DIAPH3: variants seen among roughly 807,000 people sequenced by gnomAD.
DIAPH3 encodes diaphanous related formin 3.
A neutral mutation model predicts 144.3 loss-of-function variants in DIAPH3; 117 were observed. The observed-to-expected ratio is 0.81, with a 90% CI of 0.70 to 0.95. DIAPH3 has a LOEUF of 0.95. Ranked by LOEUF, DIAPH3 falls within the 40% of genes least tolerant of loss-of-function variation. The pLI is 0.00. For missense variants in DIAPH3, 1,421 were observed against 1,412.7 expected, an observed-to-expected ratio of 1.01 and a Z score of -0.09; for synonymous variants, 519 against 488.9, an observed-to-expected ratio of 1.06 and a Z score of -0.81.
At chr13:59,709,203 A>C (rs1047025342) in intron 27 of DIAPH3, among the ~76,000 whole-genome samples, 2 of 152,178 alleles carry the variant, frequency 1.3e-5, no homozygotes, top group South Asian at 2.1e-4. Flanking sequence ...GTTTAACATG[A>C]TTTACTTTTA....
chr13:59,811,849 ATTAT>A (rs1312408716), intron 24 of DIAPH3, among the ~76,000 whole-genome samples: 1 of 151,814 alleles, frequency 6.6e-6, no homozygotes, highest in Non-Finnish European at 1.5e-5. Context: ...TAGATATGTG[ATTAT>A]TTGTTTAATT....
intron 20 of DIAPH3, among the ~76,000 whole-genome samples, chr13:59,882,171 C>T (rs1361290043): frequency 1.3e-5 from 2 of 152,142 alleles, no homozygotes; most frequent in Non-Finnish European, 2.9e-5. Context: ...TCACTGCAAC[C>T]TCTACCTCCT....
intron 17 of DIAPH3, among the ~76,000 whole-genome samples, chr13:59,954,499 G>A (rs908948688): frequency 1.3e-5 from 2 of 152,172 alleles, no homozygotes; most frequent in South Asian, 2.1e-4. Flanking sequence ...TCTTAATAAC[G>A]GATACCTCAG....
chr13:60,095,765 T>C (rs1397049347), intron 3 of DIAPH3, among the ~76,000 whole-genome samples: 1 of 152,174 alleles, frequency 6.6e-6, no homozygotes, highest in Non-Finnish European at 1.5e-5. Context: ...TATTGCATAG[T>C]TTTACTTTAC....
chr13:59,844,166 A>G (rs1337948313), intron 22 of DIAPH3, among the ~76,000 whole-genome samples: 2 of 151,522 alleles, frequency 1.3e-5, no homozygotes, highest in African/African-American at 4.8e-5. Flanking sequence ...TTCTATTTCT[A>G]TAGACAATTC....
chr13:59,994,718 A>G (rs951073209), intron 9 of DIAPH3, among the ~76,000 whole-genome samples: 3 of 151,954 alleles, frequency 2.0e-5, no homozygotes, highest in African/African-American at 7.2e-5. Context: ...GTTCAAAGAC[A>G]TGGAACCTTT....
intron 27 of DIAPH3, among the ~76,000 whole-genome samples, chr13:59,764,202 G>A (rs187203286): frequency 1.3e-5 from 2 of 151,884 alleles, no homozygotes; most frequent in East Asian, 2.0e-4. Context: ...ATTCTTGAGC[G>A]CAATTGTTCC....
intron 17 of DIAPH3, among the ~76,000 whole-genome samples, chr13:59,951,408 T>C (rs2049089589): frequency 6.6e-6 from 1 of 152,144 alleles, no homozygotes; most frequent in African/African-American, 2.4e-5. Context: ...CACTTTCCTT[T>C]GTAAATTACC....
chr13:60,097,480 G>C (rs2058139346), intron 3 of DIAPH3, among the ~76,000 whole-genome samples: 1 of 152,140 alleles, frequency 6.6e-6, no homozygotes, highest in Admixed American at 6.5e-5. Context: ...TTCATCATGA[G>C]TGGAAGCTCC....
At chr13:60,039,198 T>C (rs993199472) in intron 5 of DIAPH3, among the ~76,000 whole-genome samples, 4 of 152,244 alleles carry the variant, frequency 2.6e-5, no homozygotes, top group East Asian at 1.9e-4. Flanking sequence ...TCACAATTGC[T>C]AGGCAGTTTC....
intron 17 of DIAPH3, among the ~76,000 whole-genome samples, chr13:59,936,479 T>C (rs2048266226): frequency 1.3e-5 from 2 of 152,084 alleles, no homozygotes; most frequent in South Asian, 4.1e-4. Flanking sequence ...CCATTCAAAA[T>C]AACAGATGAA....
intron 24 of DIAPH3, among the ~76,000 whole-genome samples, chr13:59,812,072 G>A (rs1245251973): frequency 2.0e-5 from 3 of 152,158 alleles, no homozygotes; most frequent in Non-Finnish European, 4.4e-5. Flanking sequence ...CAAGTAGGTG[G>A]CTTATGTTGT....
At chr13:59,960,207 AG>A (rs2049667040) in intron 17 of DIAPH3, among the ~76,000 whole-genome samples, 1 of 152,230 alleles carries the variant, frequency 6.6e-6, no homozygotes, top group Non-Finnish European at 1.5e-5. Context: ...TGAAGCTAGT[AG>A]GGAAGTATAA....
chr13:59,704,849 C>T (rs142585632), intron 27 of DIAPH3, among the ~76,000 whole-genome samples: 35 of 152,186 alleles, frequency 2.3e-4, no homozygotes, highest in African/African-American at 7.2e-4. Context: ...CGTTAAGTGC[C>T]GTCTGACTAT....
At chr13:59,957,192 T>C (rs2049459015) in intron 17 of DIAPH3, among the ~76,000 whole-genome samples, 1 of 152,140 alleles carries the variant, frequency 6.6e-6, no homozygotes, top group African/African-American at 2.4e-5. Flanking sequence ...ACGTGATATT[T>C]GGGAGGGACC....
At chr13:59,912,985 T>C (rs1197736819) in intron 19 of DIAPH3, among the ~76,000 whole-genome samples, 1 of 152,156 alleles carries the variant, frequency 6.6e-6, no homozygotes, top group Non-Finnish European at 1.5e-5. Context: ...CTATTAATAC[T>C]ATCAAATTGA....
At position 60,162,715 on chromosome 13, in the gene DIAPH3, C is replaced by T. The variant is rs967258959; in HGVS notation, c.180+872G>A. On this transcript the variant is annotated intron_variant, in intron 1 of 27. Coordinates refer to ENST00000400324, the MANE Select transcript of DIAPH3 (RefSeq NM_001042517.2). The stretch of plus-strand genomic sequence containing the variant: ...AGCAACTGGTTCACAAACCATTATT[C>T]CCTTAATTTGTGAATCATGACTTAA... Among the ~76,000 whole-genome samples the T allele has an allele frequency of 1.3e-4, 20 of 151,708 alleles. 2 individuals carry two copies. The highest frequency in any genetic ancestry group is 1.1e-3 in the Admixed American group (17 of 15,226).
At chr13:60,145,994 C>A (rs1442854163) in intron 1 of DIAPH3, among the ~76,000 whole-genome samples, 1 of 152,048 alleles carries the variant, frequency 6.6e-6, no homozygotes, top group Non-Finnish European at 1.5e-5. Flanking sequence ...AAAGTTTGAA[C>A]TTATTCTAAA....
intron 5 of DIAPH3, chr13:60,020,965 T>C (rs2053975556): frequency 6.6e-6 from 1 of 152,196 alleles, no homozygotes; most frequent in African/African-American, 2.4e-5. Context: ...AAATGGCCTG[T>C]GCTGAGCAAC....
Sources: allele counts gnomAD v4.1 joint callset (sites outside exome capture counted in the v4.1 genomes callset), GRCh38; gene constraint gnomAD v4.1.1; transcripts MANE v1.5; gene names NCBI Gene and HGNC (gene_info 2026-07-23, HGNC 2026-07-21).